PKN2: variants seen among roughly 807,000 people sequenced by gnomAD.
PKN2 encodes the protein protein kinase N2.
PKN2 carries 38 observed loss-of-function variants against 119.1 expected under a neutral mutation model. The observed-to-expected ratio is 0.32, with a 90% CI of 0.25 to 0.42. The LOEUF (loss-of-function observed/expected upper bound fraction) is 0.42. Ranked by LOEUF, PKN2 falls within the 10% of genes least tolerant of loss-of-function variation. The pLI, the probability that PKN2 is intolerant of heterozygous loss-of-function variation, is 1.00. For missense variants in PKN2, 850 were observed against 1,165.1 expected, an observed-to-expected ratio of 0.73 and a Z score of 3.94; for synonymous variants, 390 against 384.9, an observed-to-expected ratio of 1.01 and a Z score of -0.15.
chr1:88,832,004 G>A (rs1391724993), intron 19 of PKN2, among the ~76,000 whole-genome samples: 1 of 151,864 alleles, frequency 6.6e-6, no homozygotes, highest in Non-Finnish European at 1.5e-5. Flanking sequence ...TTATGTCTCA[G>A]GGTCATTATG....
At chr1:88,788,776 T>G (rs1557612087) in intron 8 of PKN2, among the ~76,000 whole-genome samples, 1 of 152,172 alleles carries the variant, frequency 6.6e-6, no homozygotes, top group Admixed American at 6.5e-5. Flanking sequence ...GTCTACTTAC[T>G]ACCAGCTCTG....
chr1:88,739,654 T>A (rs1019225306), intron 1 of PKN2, among the ~76,000 whole-genome samples: 3 of 152,250 alleles, frequency 2.0e-5, no homozygotes, highest in African/African-American at 7.2e-5. Context: ...GTAACCATTA[T>A]CTTTGGTTTC....
intron 2 of PKN2, among the ~76,000 whole-genome samples, chr1:88,745,928 A>T (rs1272326716): frequency 6.6e-6 from 1 of 152,188 alleles, no homozygotes; most frequent in Non-Finnish European, 1.5e-5. Context: ...AAACCCACGC[A>T]ATTCAAATCA....
chr1:88,723,969 C>T (rs926746962), intron 1 of PKN2, among the ~76,000 whole-genome samples: 1 of 152,154 alleles, frequency 6.6e-6, no homozygotes, highest in East Asian at 1.9e-4. Flanking sequence ...TAAGGAGATA[C>T]TCAAGTCACT....
At chr1:88,832,538 C>A (rs1171036627) in intron 19 of PKN2, among the ~76,000 whole-genome samples, 1 of 151,962 alleles carries the variant, frequency 6.6e-6, no homozygotes, top group Non-Finnish European at 1.5e-5. Context: ...TGTATTCCCT[C>A]TGTAATAGAT....
intron 15 of PKN2, among the ~76,000 whole-genome samples, chr1:88,808,619 T>C (rs1031906032): frequency 1.3e-5 from 2 of 152,304 alleles, no homozygotes; most frequent in African/African-American, 2.4e-5. Flanking sequence ...ATTATTAAAA[T>C]GCAAGGATTT....
intron 19 of PKN2, chr1:88,829,351 C>A (rs1320836967): frequency 6.1e-6 from 3 of 495,152 alleles, no homozygotes; most frequent in African/African-American, 5.7e-5. Context: ...CACCGAGATT[C>A]CTGAATTCCC....
intron 6 of PKN2, among the ~76,000 whole-genome samples, chr1:88,778,781 T>G (rs1469053282): frequency 6.6e-6 from 1 of 151,986 alleles, no homozygotes; most frequent in Non-Finnish European, 1.5e-5. Flanking sequence ...TGGCGTGATC[T>G]CCGCTCACTG....
At chr1:88,814,650 T>G (rs1671913314) in intron 16 of PKN2, among the ~76,000 whole-genome samples, 1 of 152,152 alleles carries the variant, frequency 6.6e-6, no homozygotes, top group Non-Finnish European at 1.5e-5. Context: ...CTACTCTTAG[T>G]CTTCCCTATT....
chr1:88,737,989 T>G (rs1450373255), intron 1 of PKN2, among the ~76,000 whole-genome samples: 1 of 152,208 alleles, frequency 6.6e-6, no homozygotes, highest in African/African-American at 2.4e-5. Context: ...ATAGATCATG[T>G]TCAAATTTAT....
At chr1:88,787,519 T>A (rs1670629805) in intron 8 of PKN2, among the ~76,000 whole-genome samples, 1 of 152,212 alleles carries the variant, frequency 6.6e-6, no homozygotes, top group Non-Finnish European at 1.5e-5. Context: ...TTTAAATGGA[T>A]GCTCTTTTTC....
intron 16 of PKN2, among the ~76,000 whole-genome samples, chr1:88,817,544 A>G (rs1412174799): frequency 6.6e-6 from 1 of 151,932 alleles, no homozygotes; most frequent in African/African-American, 2.4e-5. Flanking sequence ...CATCTCTACT[A>G]AAAACACAAA....
intron 6 of PKN2, among the ~76,000 whole-genome samples, chr1:88,783,175 T>G (rs1422107523): frequency 6.6e-6 from 1 of 152,218 alleles, no homozygotes. Context: ...GCCTCAGATA[T>G]TTTCTTCATA....
At chr1:88,701,708 T>C (rs1666775939) in intron 1 of PKN2, among the ~76,000 whole-genome samples, 1 of 152,240 alleles carries the variant, frequency 6.6e-6, no homozygotes, top group Non-Finnish European at 1.5e-5. Flanking sequence ...TGTAACTGGT[T>C]TTTGTTTTAT....
intron 6 of PKN2, among the ~76,000 whole-genome samples, chr1:88,776,234 C>A (rs1408223510): frequency 7.3e-6 from 1 of 137,214 alleles, no homozygotes; most frequent in East Asian, 2.3e-4. Flanking sequence ...CTTGCCCTCC[C>A]TGACACTGCC....
chr1:88,806,982 T>G (rs1430155622), intron 12 of PKN2, among the ~76,000 whole-genome samples: 1 of 152,056 alleles, frequency 6.6e-6, no homozygotes, highest in African/African-American at 2.4e-5. Context: ...CCTACCAAAG[T>G]GCTGGGATTA....
intron 2 of PKN2, among the ~76,000 whole-genome samples, chr1:88,749,435 A>G (rs1371289040): frequency 6.6e-6 from 1 of 151,754 alleles, no homozygotes; most frequent in Non-Finnish European, 1.5e-5. Context: ...ATTCTAACTC[A>G]CAGTGTTAAC....
chr1:88,735,953 A>G (rs574489298), intron 1 of PKN2, among the ~76,000 whole-genome samples: 1 of 152,182 alleles, frequency 6.6e-6, no homozygotes, highest in Admixed American at 6.6e-5. Flanking sequence ...TCCCTCTTGA[A>G]GCCCAGTAAC....
chr1:88,785,109 G>C (rs1332861614), intron 7 of PKN2, among the ~76,000 whole-genome samples: 1 of 152,096 alleles, frequency 6.6e-6, no homozygotes, highest in African/African-American at 2.4e-5. Context: ...TATGAGACTG[G>C]TCCTTCTTGT....
Sources: gnomAD v4.1 joint callset for allele counts (sites outside exome capture counted in the v4.1 genomes callset) on GRCh38, gnomAD v4.1.1 for gene constraint, MANE v1.5 for transcripts, NCBI Gene and HGNC (gene_info 2026-07-23, HGNC 2026-07-21) for gene names.